The following SIN3A variants were observed in gnomAD, a reference collection of about 807,000 sequenced individuals.
SIN3A encodes SIN3 transcription regulator family member A, also known as paired amphipathic helix protein Sin3a.
In SIN3A, 14 loss-of-function variants were observed where a neutral mutation model predicts 146.1. That is an observed-to-expected ratio of 0.10 (90% CI 0.06 to 0.15). The LOEUF is 0.15. Among genes scored for constraint, SIN3A ranks in the 10% least tolerant of loss-of-function variants. The pLI is 1.00. For synonymous variants in SIN3A, 572 were observed against 572.0 expected (o/e 1.00, Z 0.00); for missense variants, 1,028 against 1,576.0 (o/e 0.65, Z 5.89).
At chr15:75,414,366 A>G in intron 3 of SIN3A, 55 bp from the exon 4 acceptor site, 1 of 918,456 alleles carries the variant, frequency 1.1e-6, no homozygotes, top group Non-Finnish European at 1.5e-6. Flanking sequence ...CATAATTACA[A>G]AAAAAAAACA....
rs1465433506 is a variant in SIN3A, at chr15:75,384,254, C to A, written c.3195+10G>T. ...CCAGCAAGGTCTTCGACTACCTGAC[C>A]AACTCTCACCTTAAAGCAATTCTCA... On this transcript the variant is annotated intron_variant, in intron 17 of 20. Coordinates refer to ENST00000394947, the MANE Select transcript of SIN3A (RefSeq NM_001145358.2). 5 of 1,593,484 alleles carry A rather than the reference C, an allele frequency of 3.1e-6. No individual in the cohort carries two copies. The highest frequency in any genetic ancestry group is 1.7e-4 in the Middle Eastern group (1 of 5,954).
intron 19 of SIN3A, among the ~76,000 whole-genome samples, chr15:75,376,884 C>G (rs1447208569): frequency 7.6e-6 from 1 of 132,176 alleles, no homozygotes; most frequent in South Asian, 2.3e-4. Context: ...AAAAAAAAAA[C>G]CAACCAGCCC....
chr15:75,410,313 C>A lies in SIN3A; in HGVS notation c.1009-27G>T. 3 of 1,608,264 alleles carry A rather than the reference C, an allele frequency of 1.9e-6. No homozygotes were observed. The South Asian group carries it at 3.3e-5, about 18-fold the overall frequency. On this transcript the variant is annotated intron_variant, in intron 6 of 20. Coordinates refer to ENST00000394947, the MANE Select transcript of SIN3A (RefSeq NM_001145358.2). Reference sequence around the variant, plus strand: ...TGAGGAATTGCAAATGAAAAGAGATCATTTGGGCTACTGTTTTGAGTCACT... The same window carrying A: ...TGAGGAATTGCAAATGAAAAGAGATAATTTGGGCTACTGTTTTGAGTCACT...
At chr15:75,418,166 G>A (rs1377740974) in intron 3 of SIN3A, among the ~76,000 whole-genome samples, 1 of 152,018 alleles carries the variant, frequency 6.6e-6, no homozygotes, top group East Asian at 1.9e-4. Context: ...TGAGTAACTG[G>A]GATTATAGGC....
intron 12 of SIN3A, among the ~76,000 whole-genome samples, chr15:75,397,803 A>C (rs1268458103): frequency 6.6e-6 from 1 of 152,230 alleles, no homozygotes; most frequent in African/African-American, 2.4e-5. Flanking sequence ...CAGCTGAGAG[A>C]GGATAGGAAC....
intron 2 of SIN3A, 179 bp downstream of exon 2, chr15:75,430,008 G>A (rs945299537): frequency 1.7e-6 from 1 of 594,182 alleles, no homozygotes; most frequent in South Asian, 2.1e-5. Flanking sequence ...AACTTCAAAG[G>A]TCATGACAAC....
chr15:75,383,308 C>T (rs2073010563), intron 17 of SIN3A, among the ~76,000 whole-genome samples: 1 of 151,600 alleles, frequency 6.6e-6, no homozygotes, highest in Admixed American at 6.6e-5. Context: ...CCATTTTGTC[C>T]AGTATAAACT....
intron 20 of SIN3A, among the ~76,000 whole-genome samples, chr15:75,373,015 T>G (rs1364398207): frequency 6.6e-6 from 1 of 151,944 alleles, no homozygotes; most frequent in African/African-American, 2.4e-5. Context: ...AAAACCACTC[T>G]CCCTCCACTG....
rs1001150898 is a variant in SIN3A at position 75,401,888 on chromosome 15, C to T, written c.1490G>A (p.Arg497His). 6.2e-7 allele frequency: 1 copy of T among 1,613,750 alleles called. No individual in the cohort carries two copies. The highest frequency in any genetic ancestry group is 8.5e-7 in the Non-Finnish European group (1 of 1,179,680). Residue 497 changes from arginine (R) to histidine (H), a missense_variant, in exon 10 of 21, where the codon CGT (arginine) becomes CAT (histidine). This residue lies in a region of SIN3A where 157 missense variants were observed against 284.8 expected (regional missense o/e 0.55). Transcript: ENST00000394947. ...LVIFNQEVIS[R>H]AELVQLVSPF... ...AGAGACTAGTTGCACAAGCTCAGCA[C>T]GAGAGATCACCTCCTGGTTAAAAAT...
At position 75,410,416 on chromosome 15, in the gene SIN3A, G is replaced by C. The variant is rs768073923; in HGVS notation, c.1009-130C>G. Reference sequence around the variant, plus strand: ...AAGAAAGTCTATGTTCTTAGCACCCGTTCTGACCACAGACTTTCAAGTTGA... The same window carrying C: ...AAGAAAGTCTATGTTCTTAGCACCCCTTCTGACCACAGACTTTCAAGTTGA... On this transcript the variant is annotated intron_variant, in intron 6 of 20. Coordinates refer to ENST00000394947, the MANE Select transcript of SIN3A (RefSeq NM_001145358.2). The C allele has an allele frequency of 9.9e-6, 8 of 807,078 alleles. No homozygotes were observed. The South Asian group carries it at 1.7e-4, about 17-fold the overall frequency. 50.0% of individuals were successfully genotyped at this position (807,078 alleles called of 1,614,324 possible). A position where few individuals can be genotyped will look rare whatever the true frequency, so the allele number is the denominator to read the frequency against.
rs1468521190 is a variant in SIN3A, at chr15:75,372,207, G to A, written c.3594C>T (p.Ser1198=). The part of the protein sequence containing the change: ...RRTALLRAHQ[S]HERVSKRLHQ... ...GTAGACGCTTGCTTACACGCTCATG[G>A]GACTGCAAAACAGAAAAAAAAAATT... is the stretch of plus-strand genomic sequence containing the variant. The change falls in exon 21 of 21, where the codon TCC becomes TCT. Residue 1198 remains serine (S), a splice_region_variant and synonymous_variant. Coordinates refer to ENST00000394947, the MANE Select transcript of SIN3A (RefSeq NM_001145358.2). 2.6e-6 allele frequency: 4 copies of A among 1,564,978 alleles called. No homozygotes were observed. Among genetic ancestry groups the A allele is most frequent in the South Asian group, 2.4e-5 (2 of 84,660 alleles).
intron 3 of SIN3A, chr15:75,420,831 T>A (rs1345401578): frequency 6.6e-6 from 1 of 152,194 alleles, no homozygotes; most frequent in Non-Finnish European, 1.5e-5. Flanking sequence ...CCTCTCCTCA[T>A]CAGAAAGGAA....
At chr15:75,422,004 G>A (rs2073847915) in intron 3 of SIN3A, 1 of 152,314 alleles carries the variant, frequency 6.6e-6, no homozygotes, top group Admixed American at 6.5e-5. Flanking sequence ...AAAGGAGCAT[G>A]TGTTTTACTA....
chr15:75,455,001 C>G (rs1431766945), upstream of SIN3A: 2 of 152,098 alleles, frequency 1.3e-5, no homozygotes. Flanking sequence ...GCTCGCAGGG[C>G]TAGCGGCGAG....
At chr15:75,438,646 G>A (rs565096576) in intron 1 of SIN3A, among the ~76,000 whole-genome samples, 3 of 151,868 alleles carry the variant, frequency 2.0e-5, no homozygotes, top group Non-Finnish European at 2.9e-5. Flanking sequence ...CTGTGATTAT[G>A]CCACTGCACT....
chr15:75,433,820 C>CAACA (rs575973043), intron 1 of SIN3A, among the ~76,000 whole-genome samples: 9 of 151,868 alleles, frequency 5.9e-5, no homozygotes, highest in Admixed American at 2.0e-4. Flanking sequence ...AAAACAACAA[C>CAACA]AACAAACAAA....
chr15:75,392,161 AAAG>A (rs1291067195), intron 15 of SIN3A, 78 bp downstream of exon 15: 1 of 1,244,378 alleles, frequency 8.0e-7, no homozygotes, highest in Non-Finnish European at 1.1e-6. Flanking sequence ...TCTATTAATA[AAAG>A]AAGCAGTCCC....
Position 75,369,596 on chromosome 15 carries a change from A to G in SIN3A, c.*2383T>C, listed in dbSNP as rs1337824129. The G allele has an allele frequency of 6.6e-6, 1 of 152,146 alleles. No homozygotes were observed. The highest frequency in any genetic ancestry group is 1.5e-5 in the Non-Finnish European group (1 of 68,018). 9.4% of individuals were successfully genotyped at this position (152,146 alleles called of 1,614,324 possible). On this transcript the variant is annotated 3_prime_UTR_variant, in exon 21 of 21. Transcript: ENST00000394947. The stretch of plus-strand genomic sequence containing the variant: ...TTGTGAAAACCCAGGCTGTAGGTAA[A>G]ACTTACTCTTTTGTTGGTTGCACTG...
chr15:75,445,759 G>GAAAAAAAAAAAAA (rs774883850), intron 1 of SIN3A, among the ~76,000 whole-genome samples: 18 of 85,860 alleles, frequency 2.1e-4, no homozygotes, highest in Admixed American at 6.9e-4. Flanking sequence ...TCAAAAAAAA[G>GAAAAAAAAAAAAA]AAAAAAAAAA....
Sources: gnomAD v4.1 joint callset for allele counts (sites outside exome capture counted in the v4.1 genomes callset) on GRCh38, gnomAD v4.1.1 for gene constraint, gnomAD v4.1.1 regional missense constraint, MANE v1.5 for transcripts, NCBI Gene and HGNC (gene_info 2026-07-23, HGNC 2026-07-21) for gene names.